The following SEMA6D variants were observed in gnomAD, a reference collection of about 807,000 sequenced individuals.
SEMA6D encodes semaphorin-6D.
A neutral mutation model predicts 106.6 loss-of-function variants in SEMA6D; 35 were observed. That is an observed-to-expected ratio of 0.33 (90% CI 0.25 to 0.44). The LOEUF is 0.44. Ranked by LOEUF, SEMA6D falls within the 20% of genes least tolerant of loss-of-function variation. The probability of loss-of-function intolerance (pLI) is 1.00; values close to 1 mark genes in which losing one functional copy is unlikely to be tolerated. For synonymous variants in SEMA6D, 499 were observed against 487.7 expected (o/e 1.02, Z -0.31); for missense variants, 1,185 against 1,345.9 (o/e 0.88, Z 1.87).
intron 3 of SEMA6D, among the ~76,000 whole-genome samples, chr15:47,550,454 G>A (rs2045650909): frequency 6.6e-6 from 1 of 152,122 alleles, no homozygotes; most frequent in African/African-American, 2.4e-5. Flanking sequence ...TTAATTTTAT[G>A]TATAGATATG....
chr15:47,318,070 TTTACTTCCCGATTGGCCTTCAAAAC>T (rs1428945425), intron 1 of SEMA6D, among the ~76,000 whole-genome samples: 2 of 148,162 alleles, frequency 1.3e-5, no homozygotes, highest in Admixed American at 6.8e-5. Context: ...TATTTTAATA[TTTACTTCCCGATTGGCCTTCAAAAC>T]ATCTTGACAG....
intron 1 of SEMA6D, among the ~76,000 whole-genome samples, chr15:47,360,693 TCCTC>T (rs1333462345): frequency 3.3e-5 from 5 of 152,202 alleles, no homozygotes; most frequent in Non-Finnish European, 5.9e-5. Context: ...GTGTCCATTC[TCCTC>T]ATATGGCAAT....
chr15:47,732,961 G>A (rs1406817020), intron 1 of SEMA6D, among the ~76,000 whole-genome samples: 4 of 152,054 alleles, frequency 2.6e-5, no homozygotes, highest in Non-Finnish European at 5.9e-5. Context: ...TAGTAAACAC[G>A]AGCCGTAATT....
intron 1 of SEMA6D, among the ~76,000 whole-genome samples, chr15:47,308,843 G>A (rs903865935): frequency 6.6e-6 from 1 of 152,180 alleles, no homozygotes; most frequent in African/African-American, 2.4e-5. Context: ...AATCAAATAA[G>A]TGAAGCTACT....
chr15:47,238,683 A>G (rs1462565913), intron 1 of SEMA6D, among the ~76,000 whole-genome samples: 5 of 152,116 alleles, frequency 3.3e-5, no homozygotes, highest in Non-Finnish European at 7.4e-5. Context: ...CTAGGTCACA[A>G]AGGCATTTTT....
chr15:47,610,293 A>G (rs2573562), intron 4 of SEMA6D, among the ~76,000 whole-genome samples: 150,275 of 152,300 alleles, frequency 0.99, 74,176 homozygotes, highest in Middle Eastern at 1. Flanking sequence ...CATTAGGGTG[A>G]GTTCTTCCCA....
chr15:47,563,935 G>A (rs1391693020), intron 3 of SEMA6D, among the ~76,000 whole-genome samples: 1 of 152,178 alleles, frequency 6.6e-6, no homozygotes, highest in African/African-American at 2.4e-5. Flanking sequence ...CCCAGACAAA[G>A]GCAAGTGCTG....
chr15:47,284,728 A>G (rs2035282833), intron 1 of SEMA6D, among the ~76,000 whole-genome samples: 1 of 152,050 alleles, frequency 6.6e-6, no homozygotes, highest in Non-Finnish European at 1.5e-5. Flanking sequence ...AATTTCTTAT[A>G]TTTTCTAGCA....
At chr15:47,267,734 C>G (rs948453930) in intron 1 of SEMA6D, among the ~76,000 whole-genome samples, 1 of 151,988 alleles carries the variant, frequency 6.6e-6, no homozygotes, top group African/African-American at 2.4e-5. Flanking sequence ...GTTTTATCAT[C>G]TTCTTTTTGA....
At chr15:47,722,739 G>A (rs2079497028) in intron 1 of SEMA6D, among the ~76,000 whole-genome samples, 2 of 152,200 alleles carry the variant, frequency 1.3e-5, no homozygotes, top group Admixed American at 1.3e-4. Context: ...TCTGAAGGAT[G>A]ATGGTGATGA....
At chr15:47,673,595 G>A (rs2078180643) in intron 4 of SEMA6D, among the ~76,000 whole-genome samples, 1 of 152,140 alleles carries the variant, frequency 6.6e-6, no homozygotes, top group Admixed American at 6.5e-5. Context: ...TTGATGCAGT[G>A]GGAACACTGT....
chr15:47,190,256 C>G (rs943608602), intron 1 of SEMA6D, among the ~76,000 whole-genome samples: 2 of 152,180 alleles, frequency 1.3e-5, no homozygotes, highest in Non-Finnish European at 2.9e-5. Flanking sequence ...ACTCTTGAGG[C>G]TGTTGAGTTT....
At chr15:47,633,033 T>G (rs559138580) in intron 4 of SEMA6D, among the ~76,000 whole-genome samples, 1 of 152,076 alleles carries the variant, frequency 6.6e-6, no homozygotes, top group Non-Finnish European at 1.5e-5. Context: ...TTATTTTCAC[T>G]TAGGTTCCTT....
At chr15:47,326,117 T>C (rs7167304) in intron 1 of SEMA6D, among the ~76,000 whole-genome samples, 81,054 of 151,952 alleles carry the variant, frequency 0.53, 24,743 homozygotes, top group African/African-American at 0.85. Context: ...GGGGAAAAAC[T>C]ACATGTTAAA....
At chr15:47,705,941 A>G (rs1377446024) in intron 4 of SEMA6D, among the ~76,000 whole-genome samples, 1 of 152,242 alleles carries the variant, frequency 6.6e-6, no homozygotes, top group African/African-American at 2.4e-5. Flanking sequence ...AGACTGCTTC[A>G]GTCCCAGAGC....
rs374731818 is a variant in SEMA6D at position 47,763,864 on chromosome 15, C to T, written c.762C>T (p.Arg254=). The T allele has an allele frequency of 3.1e-6, 5 of 1,612,966 alleles. No homozygotes were observed. In the African/African-American group the frequency reaches 4.0e-5, roughly 13 times the overall value. ...HNNLGKAVYS[R]VARICKNDMG... ...CCGTTGGGCAGGCTGTGTATTCCCG[C>T]GTGGCCCGCATATGTAAAAACGACA... The change falls in exon 10 of 19, where the codon CGC becomes CGT. Residue 254 remains arginine, a synonymous_variant. Transcript: ENST00000536845.
chr15:47,384,383 A>T (rs1001033211), intron 1 of SEMA6D, among the ~76,000 whole-genome samples: 3 of 152,170 alleles, frequency 2.0e-5, no homozygotes, highest in African/African-American at 7.2e-5. Flanking sequence ...TTTCCCTGAA[A>T]CATCTTTATC....
chr15:47,200,284 A>G (rs1036300593), intron 1 of SEMA6D, among the ~76,000 whole-genome samples: 1 of 152,196 alleles, frequency 6.6e-6, no homozygotes, highest in Non-Finnish European at 1.5e-5. Context: ...CTTGTTGGGA[A>G]GAAGACCAAC....
At chr15:47,764,446 T>A in intron 11 of SEMA6D, 141 bp downstream of exon 11, 1 of 1,269,180 alleles carries the variant, frequency 7.9e-7, no homozygotes, top group Non-Finnish European at 1.1e-6. Context: ...AGACATAGCC[T>A]TGTGACCTGC....
Sources: gnomAD v4.1 joint callset for allele counts (sites outside exome capture counted in the v4.1 genomes callset) on GRCh38, gnomAD v4.1.1 for gene constraint, MANE v1.5 for transcripts, NCBI Gene and HGNC (gene_info 2026-07-23, HGNC 2026-07-21) for gene names.